The following DAB2IP variants were observed in gnomAD, a reference collection of about 807,000 sequenced individuals.
DAB2IP encodes DAB2 interacting protein.
DAB2IP carries 28 observed loss-of-function variants against 107.2 expected under a neutral mutation model. That is an observed-to-expected ratio of 0.26 (90% CI 0.19 to 0.36). DAB2IP has a LOEUF of 0.36. DAB2IP is among the 10% of genes least tolerant of loss of function. The pLI, the probability that DAB2IP is intolerant of heterozygous loss-of-function variation, is 1.00. For missense variants in DAB2IP, 1,400 were observed against 1,644.7 expected (o/e 0.85, Z 2.57); for synonymous variants, 755 against 706.4 (o/e 1.07, Z -1.09).
intron 2 of DAB2IP, among the ~76,000 whole-genome samples, chr9:121,688,726 A>C (rs1829014693): frequency 6.6e-6 from 1 of 152,214 alleles, no homozygotes; most frequent in African/African-American, 2.4e-5. Flanking sequence ...AACTCCCAGC[A>C]CTGGGGCAAG....
chr9:121,715,123 G>A (rs1378108276), intron 3 of DAB2IP, among the ~76,000 whole-genome samples: 1 of 152,196 alleles, frequency 6.6e-6, no homozygotes, highest in Non-Finnish European at 1.5e-5. Context: ...AGCTGGCCTT[G>A]GCACTTGCTG....
Position 121,772,044 on chromosome 9 carries a change from GC to G in DAB2IP, c.2079-561del, listed in dbSNP as rs1339477890. Among the ~76,000 whole-genome samples, 1 of 152,190 alleles carries G rather than the reference GC, an allele frequency of 6.6e-6. No individual in the cohort carries two copies. Among genetic ancestry groups the G allele is most frequent in the African/African-American group, 2.4e-5 (1 of 41,444 alleles). On this transcript the variant is annotated intron_variant, in intron 11 of 15. Transcript: ENST00000408936. This position sits in a 1 kb window ranked among gnomAD's most constrained non-coding sequence, Gnocchi z 4.7. ...CCCACCAAGTCATGCTCTCCACAGA[GC>G]CTGCTCTCATTCCTTGTTTTTGCCA...
At chr9:121,628,020 GA>G (rs891287956) in intron 1 of DAB2IP, among the ~76,000 whole-genome samples, 12 of 152,208 alleles carry the variant, frequency 7.9e-5, no homozygotes, top group Middle Eastern at 3.2e-3. Context: ...CTGTCTGCAG[GA>G]AGCACATTTA....
exon 10 of DAB2IP, chr9:121,768,585 C>T (rs1834471169): frequency 1.2e-6 from 2 of 1,614,144 alleles, no homozygotes; most frequent in Non-Finnish European, 1.7e-6. Context: ...GCCGCGAGCT[C>T]TCCAGCCTGC....
intron 3 of DAB2IP, among the ~76,000 whole-genome samples, chr9:121,721,367 C>T (rs1830921782): frequency 6.6e-6 from 1 of 152,200 alleles, no homozygotes; most frequent in Non-Finnish European, 1.5e-5. Flanking sequence ...CCGTGAAGGG[C>T]TGTGTATTTA....
intron 3 of DAB2IP, among the ~76,000 whole-genome samples, chr9:121,738,912 G>A (rs1010219066): frequency 6.6e-6 from 1 of 152,228 alleles, no homozygotes; most frequent in Non-Finnish European, 1.5e-5. Flanking sequence ...GATGGGAGAG[G>A]CAGATAAGAA....
intron 3 of DAB2IP, among the ~76,000 whole-genome samples, chr9:121,718,415 G>A (rs1352431870): frequency 6.6e-6 from 1 of 152,178 alleles, no homozygotes; most frequent in African/African-American, 2.4e-5. Flanking sequence ...TGGGCTTGGT[G>A]CCATTCAAGA....
Position 121,760,104 on chromosome 9 carries a change from A to C in DAB2IP, c.835A>C (p.Thr279Pro), listed in dbSNP as rs1334410001. The change falls in exon 6 of 16, where the codon ACC (threonine) becomes CCC (proline). Residue 279 changes from threonine to proline, a missense_variant. Coordinates refer to ENST00000408936, the Ensembl canonical transcript of DAB2IP. This position sits in a 1 kb window ranked among gnomAD's most constrained non-coding sequence, Gnocchi z 5.9. Reference sequence around the variant, plus strand: ...GGTCACTGTCCACCTGTACCGGGAGACCGACAAGAAGAAGAAGAAGGAGCG... The same window carrying C: ...GGTCACTGTCCACCTGTACCGGGAGCCCGACAAGAAGAAGAAGAAGGAGCG... 6.2e-7 allele frequency: 1 copy of C among 1,613,824 alleles called. No homozygotes were observed. Among genetic ancestry groups the C allele is most frequent in the African/African-American group, 1.3e-5 (1 of 74,940 alleles).
chr9:121,727,181 C>G lies in DAB2IP; in HGVS notation c.362+27723C>G, dbSNP rs750816801. ...CTCGTTACCCCCTCACCTCCATTCC[C>G]CATCTGGAGATCCCTCAAGCCCCAC... is the stretch of plus-strand genomic sequence containing the variant. On this transcript the variant is annotated intron_variant, in intron 3 of 15. Transcript: ENST00000408936. Among the ~76,000 whole-genome samples the G allele has an allele frequency of 9.9e-5, 15 of 152,214 alleles. 1 individual carries two copies. Among genetic ancestry groups the G allele is most frequent in the Admixed American group, 3.3e-4 (5 of 15,290 alleles).
chr9:121,718,722 G>A (rs1830752723), intron 3 of DAB2IP, among the ~76,000 whole-genome samples: 1 of 152,246 alleles, frequency 6.6e-6, no homozygotes, highest in African/African-American at 2.4e-5. Context: ...AGCACCTGGC[G>A]AAGAGCAAGC....
chr9:121,641,992 CCTTTCT>C (rs1314843122), intron 1 of DAB2IP, among the ~76,000 whole-genome samples: 2 of 29,328 alleles, frequency 6.8e-5, no homozygotes, highest in Admixed American at 9.6e-4. Flanking sequence ...TTCTTTCTTT[CCTTTCT>C]CTCTCTCTCT....
intron 1 of DAB2IP, among the ~76,000 whole-genome samples, chr9:121,572,249 G>A (rs1414291562): frequency 6.6e-6 from 1 of 152,134 alleles, no homozygotes; most frequent in African/African-American, 2.4e-5. Flanking sequence ...CTCCGCCTGG[G>A]TGTGTTTTCA....
exon 16 of DAB2IP, chr9:121,785,236 C>G (rs1394402425): frequency 6.5e-6 from 1 of 152,686 alleles, no homozygotes; most frequent in Non-Finnish European, 1.5e-5. Flanking sequence ...CCCCCTGCGC[C>G]CCGCACGACT....
chr9:121,690,115 C>T (rs1328319277), intron 2 of DAB2IP, among the ~76,000 whole-genome samples: 4 of 152,244 alleles, frequency 2.6e-5, no homozygotes, highest in Non-Finnish European at 4.4e-5. Context: ...ACAGGGCTTA[C>T]TAAACACATC....
At chr9:121,629,836 G>A (rs1176178412) in intron 1 of DAB2IP, among the ~76,000 whole-genome samples, 1 of 152,144 alleles carries the variant, frequency 6.6e-6, no homozygotes, top group African/African-American at 2.4e-5. Context: ...CAGAATTTGG[G>A]TTCTGAGACA....
rs546741914 is a variant in DAB2IP at position 121,757,576 on chromosome 9, G to A, written c.516+410G>A. 1.1e-4 allele frequency among the ~76,000 whole-genome samples: 17 copies of A among 150,812 alleles called. 1 individual carries two copies. In the South Asian group the frequency reaches 3.5e-3, roughly 31 times the overall value. ...CTGTTTCCCACTGTGAACAATGAGAGCCCAAATCTGTCCTGCCCTGGCATT... is the reference window on the plus strand; with the variant it reads ...CTGTTTCCCACTGTGAACAATGAGAACCCAAATCTGTCCTGCCCTGGCATT... On this transcript the variant is annotated intron_variant, in intron 4 of 15. Coordinates refer to ENST00000408936, the Ensembl canonical transcript of DAB2IP.
intron 1 of DAB2IP, among the ~76,000 whole-genome samples, chr9:121,587,587 A>C (rs1254175868): frequency 2.6e-5 from 4 of 151,794 alleles, no homozygotes; most frequent in African/African-American, 7.3e-5. Flanking sequence ...CAGTCTGAGC[A>C]ATCAGAGTGA....
intron 2 of DAB2IP, among the ~76,000 whole-genome samples, chr9:121,681,950 G>C (rs911728996): frequency 2.0e-5 from 3 of 152,220 alleles, no homozygotes; most frequent in African/African-American, 7.2e-5. Flanking sequence ...CATGGTAGGT[G>C]CTTCATGGAT....
chr9:121,649,917 G>C (rs1050934855), upstream of DAB2IP, among the ~76,000 whole-genome samples: 5 of 152,234 alleles, frequency 3.3e-5, no homozygotes, highest in Non-Finnish European at 5.9e-5. Context: ...GCAGCCTACC[G>C]GCTGCATGTG....
Sources: allele counts gnomAD v4.1 joint callset (sites outside exome capture counted in the v4.1 genomes callset), GRCh38; gene constraint gnomAD v4.1.1; non-coding constraint Gnocchi (gnomAD v3.1); transcripts MANE v1.5; gene names NCBI Gene and HGNC (gene_info 2026-07-23, HGNC 2026-07-21).